Variants in PID1 observed in about 807,000 individuals in gnomAD.
PID1 encodes phosphotyrosine interaction domain containing 1, also known as PTB-containing, cubilin and LRP1-interacting protein.
Under a neutral mutation model 19.1 loss-of-function variants are expected in PID1, and 10 were observed. The ratio of observed to expected loss-of-function variants is 0.52; its 90% CI spans 0.32 to 0.89. PID1 has a LOEUF of 0.89. Ranked by LOEUF, PID1 falls within the 40% of genes least tolerant of loss-of-function variation. The pLI, the probability that PID1 is intolerant of heterozygous loss-of-function variation, is 0.03. For missense variants in PID1, 248 were observed against 285.3 expected, an observed-to-expected ratio of 0.87 and a Z score of 0.94; for synonymous variants, 130 against 116.0, an observed-to-expected ratio of 1.12 and a Z score of -0.78.
intron 2 of PID1, among the ~76,000 whole-genome samples, chr2:229,131,777 A>C (rs1200161192): frequency 6.6e-6 from 1 of 152,102 alleles, no homozygotes; most frequent in South Asian, 2.1e-4. Context: ...AGCAACGTTC[A>C]CTTCTTAAAA....
chr2:229,126,434 A>G (rs1338151838), intron 2 of PID1, among the ~76,000 whole-genome samples: 2 of 152,026 alleles, frequency 1.3e-5, no homozygotes, highest in South Asian at 4.2e-4. Context: ...AAAAAAAAAA[A>G]CCCTGTGTAT....
intron 2 of PID1, among the ~76,000 whole-genome samples, chr2:229,117,160 C>T (rs1695426957): frequency 6.6e-6 from 1 of 152,162 alleles, no homozygotes; most frequent in Non-Finnish European, 1.5e-5. Flanking sequence ...ATTTTGATGA[C>T]TCACATACCA....
intron 2 of PID1, among the ~76,000 whole-genome samples, chr2:229,065,712 CAAAAAAAAAA>C (rs71988256): frequency 4.8e-5 from 5 of 103,962 alleles, no homozygotes; most frequent in Non-Finnish European, 7.0e-5. Flanking sequence ...TTGTGATTTA[CAAAAAAAAAA>C]AAAAAAAAAA....
chr2:229,194,990 CTT>C (rs1454845701), intron 1 of PID1, among the ~76,000 whole-genome samples: 2 of 151,644 alleles, frequency 1.3e-5, no homozygotes, highest in African/African-American at 4.8e-5. Flanking sequence ...CGGATTTTTT[CTT>C]TGTTTTTAGT....
intron 1 of PID1, among the ~76,000 whole-genome samples, chr2:229,191,424 C>A (rs1691258183): frequency 6.6e-6 from 1 of 152,164 alleles, no homozygotes; most frequent in Admixed American, 6.6e-5. Flanking sequence ...GGTCCTCTCT[C>A]AGGGCTCCCT....
At chr2:229,108,354 T>C (rs1390550066) in intron 2 of PID1, among the ~76,000 whole-genome samples, 1 of 152,202 alleles carries the variant, frequency 6.6e-6, no homozygotes, top group African/African-American at 2.4e-5. Flanking sequence ...TAACTACTAC[T>C]TTGAGCATAG....
intron 2 of PID1, among the ~76,000 whole-genome samples, chr2:229,081,840 A>C (rs1189013244): frequency 3.3e-5 from 5 of 152,230 alleles, no homozygotes; most frequent in Admixed American, 6.5e-5. Context: ...CTAAAAGCAG[A>C]AGAATTTGCC....
rs552415640 is a variant in PID1 at position 229,220,537 on chromosome 2, C to A, written c.30+50477G>T. Among the ~76,000 whole-genome samples, 5 of 152,094 alleles carry A rather than the reference C, an allele frequency of 3.3e-5. No individual in the cohort carries two copies. In the East Asian group the frequency reaches 9.7e-4, roughly 29 times the overall value. On this transcript the variant is annotated intron_variant, in intron 1 of 2. Transcript: ENST00000392055. ...GGGAGCCTGTGCCAGGAAACTGAAC[C>A]ACGGGTAGGAACTCCAACACCCAGG...
chr2:229,144,198 A>G (rs1458178456), intron 2 of PID1, among the ~76,000 whole-genome samples: 2 of 152,194 alleles, frequency 1.3e-5, no homozygotes, highest in South Asian at 2.1e-4. Context: ...GTGCTCCAGC[A>G]TAACACAGGA....
At chr2:229,101,207 A>G (rs555624665) in intron 2 of PID1, among the ~76,000 whole-genome samples, 8 of 152,232 alleles carry the variant, frequency 5.3e-5, no homozygotes, top group African/African-American at 1.9e-4. Context: ...GAGAATTTTC[A>G]TTTCCAAATG....
At chr2:229,231,881 C>T (rs1692216396) in intron 1 of PID1, 3 of 1,549,058 alleles carry the variant, frequency 1.9e-6, no homozygotes, top group Non-Finnish European at 2.6e-6. Flanking sequence ...CGAAATACCA[C>T]AGAGTAGATA....
chr2:229,068,485 C>T (rs1382441153), intron 2 of PID1, among the ~76,000 whole-genome samples: 5 of 152,246 alleles, frequency 3.3e-5, no homozygotes, highest in African/African-American at 4.8e-5. Flanking sequence ...GCACACTTTA[C>T]AAAAATTGAC....
In PID1 at chr2:229,139,039, GAGAAAGAAAGAAAGAA is replaced by G. The variant is rs1158968559; in HGVS notation, c.177+16763_177+16778del. Among the ~76,000 whole-genome samples the G allele has an allele frequency of 2.3e-4, 11 of 48,362 alleles. 1 individual carries two copies. Among genetic ancestry groups the G allele is most frequent in the Non-Finnish European group, 4.6e-4 (10 of 21,700 alleles). The allele number at this position is 48,362 out of a possible 152,430, so 31.7% of individuals were successfully genotyped here. A position where few individuals can be genotyped will look rare whatever the true frequency, so the allele number is the denominator to read the frequency against. On this transcript the variant is annotated intron_variant, in intron 2 of 2. Transcript: ENST00000392055. Reference sequence around the variant, plus strand: ...AGAAAGAAAGAAAGAAAGAAAGAAAGAGAAAGAAAGAAAGAAAGAGAAAGAAAGAAAGAAAGAAAGA... The same window carrying G: ...AGAAAGAAAGAAAGAAAGAAAGAAAGAGAGAAAGAAAGAAAGAAAGAAAGA...
At chr2:229,157,955 G>GT (rs35833278) in intron 1 of PID1, among the ~76,000 whole-genome samples, 23,564 of 152,194 alleles carry the variant, frequency 0.15, 2,682 homozygotes, top group East Asian at 0.36. Flanking sequence ...GAAAGTGCAC[G>GT]TATCAAGAAG....
intron 2 of PID1, among the ~76,000 whole-genome samples, chr2:229,129,992 G>A (rs1278203908): frequency 1.3e-5 from 2 of 151,928 alleles, no homozygotes; most frequent in African/African-American, 4.8e-5. Flanking sequence ...AAACTGAAAC[G>A]GTCACACCAA....
At chr2:229,259,279 A>G (rs1690393760) in intron 1 of PID1, among the ~76,000 whole-genome samples, 1 of 152,150 alleles carries the variant, frequency 6.6e-6, no homozygotes, top group Non-Finnish European at 1.5e-5. Context: ...TAATATATAC[A>G]TGAGATGCAA....
chr2:229,155,390 C>T (rs1388017382), intron 2 of PID1, among the ~76,000 whole-genome samples: 1 of 151,844 alleles, frequency 6.6e-6, no homozygotes, highest in African/African-American at 2.4e-5. Flanking sequence ...CATGGTGAAA[C>T]CCCGTCTCTC....
At chr2:229,028,132 T>G (rs1264309336) in intron 2 of PID1, among the ~76,000 whole-genome samples, 1 of 152,124 alleles carries the variant, frequency 6.6e-6, no homozygotes, top group Non-Finnish European at 1.5e-5. Flanking sequence ...ACAGGGTGAG[T>G]ATCCCTTAGA....
chr2:229,075,093 A>C (rs1694530902), intron 2 of PID1, among the ~76,000 whole-genome samples: 2 of 152,226 alleles, frequency 1.3e-5, no homozygotes, highest in African/African-American at 4.8e-5. Flanking sequence ...TGTGCTCAGA[A>C]CACTTGCATT....
Sources: allele counts gnomAD v4.1 joint callset (sites outside exome capture counted in the v4.1 genomes callset), GRCh38; gene constraint gnomAD v4.1.1; transcripts MANE v1.5; gene names NCBI Gene and HGNC (gene_info 2026-07-23, HGNC 2026-07-21).